The following GRIP2 variants were observed in gnomAD, a reference collection of about 807,000 sequenced individuals.
GRIP2 encodes glutamate receptor-interacting protein 2.
A neutral mutation model predicts 108.3 loss-of-function variants in GRIP2; 58 were observed. The ratio of observed to expected loss-of-function variants is 0.54; its 90% CI spans 0.43 to 0.67. The LOEUF (loss-of-function observed/expected upper bound fraction) is 0.67, where lower values mean the gene tolerates loss of function less well. GRIP2 is among the 30% of genes least tolerant of loss of function. The pLI is 0.00. For missense variants in GRIP2, 1,278 were observed against 1,430.6 expected (o/e 0.89, Z 1.72); for synonymous variants, 586 against 598.2 (o/e 0.98, Z 0.30).
rs1449884613 is a variant in GRIP2, at chr3:14,489,917, G to A, written c.*3748C>T. ...TTAATACCCAGTTAGGGGCTCTCTG[G>A]GGTCACAACAGGTCCATGTTTGGGG... On this transcript the variant is annotated 3_prime_UTR_variant, in exon 24 of 24. Transcript: ENST00000621039. The A allele has an allele frequency of 6.6e-6, 1 of 152,150 alleles. No homozygotes were observed. The highest frequency in any genetic ancestry group is 2.4e-5 in the African/African-American group (1 of 41,420). 9.4% of individuals were successfully genotyped at this position (152,150 alleles called of 1,614,324 possible). A position where few individuals can be genotyped will look rare whatever the true frequency, so the allele number is the denominator to read the frequency against.
Position 14,513,620 on chromosome 3 carries a change from G to T in GRIP2, c.1639+45C>A, listed in dbSNP as rs370180102. ...GAGGCAGGATAAAGAGAGGAGGGGT[G>T]CAGGGCCCTGAAATATGAGGAGGAA... On this transcript the variant is annotated intron_variant, in intron 13 of 23. Coordinates refer to ENST00000621039, the MANE Select transcript of GRIP2 (RefSeq NM_001080423.4). 2.7e-5 allele frequency: 43 copies of T among 1,569,144 alleles called. No homozygotes were observed. The African/African-American group carries it at 4.3e-4, about 16-fold the overall frequency.
intron 13 of GRIP2, 41 bp downstream of exon 13, chr3:14,513,624 G>A (rs747209398): frequency 1.4e-5 from 22 of 1,574,724 alleles, no homozygotes; most frequent in Non-Finnish European, 1.8e-5. Flanking sequence ...AGGGGTGCAG[G>A]GCCCTGAAAT....
chr3:14,555,821 A>G, intron 1 of GRIP2: 1 of 399,408 alleles, frequency 2.5e-6, no homozygotes, highest in Non-Finnish European at 4.4e-6. Context: ...GGGGAGGGAG[A>G]GCAGGGGTGA....
chr3:14,512,815 G>A lies in GRIP2; in HGVS notation c.1682C>T (p.Pro561Leu), dbSNP rs376323806. ...GCCCAGCTCCACGCTGCGCTTCTTG[G>A]GCAGCTTCACGTGGAAGGTGCCACT... ...PSSGTFHVKL[P>L]KKRSVELGIT... The change falls in exon 14 of 24, where the codon CCC becomes CTC. Residue 561 changes from proline to leucine, a missense_variant. By Grantham distance (98) the Pro-to-Leu change is moderately conservative (BLOSUM62 -3). Transcript: ENST00000621039. This position sits in a 1 kb window ranked among gnomAD's most constrained non-coding sequence, Gnocchi z 5.1. 6.8e-6 allele frequency: 11 copies of A among 1,613,688 alleles called. No individual in the cohort carries two copies. In the African/African-American group the frequency reaches 1.2e-4, roughly 18 times the overall value.
chr3:14,581,688 T>C, the GRIP2 span, among the ~76,000 whole-genome samples: 2 of 152,174 alleles, frequency 1.3e-5, no homozygotes, highest in Admixed American at 6.5e-5. Context: ...GAGAAGTGAA[T>C]GATGGGAAGA....
chr3:14,588,359 C>A, the GRIP2 span, among the ~76,000 whole-genome samples: 1 of 152,124 alleles, frequency 6.6e-6, no homozygotes, highest in African/African-American at 2.4e-5. Flanking sequence ...GGACCCTGGG[C>A]CACCCTCTCT....
the GRIP2 span, among the ~76,000 whole-genome samples, chr3:14,569,282 A>G: frequency 6.6e-6 from 1 of 152,226 alleles, no homozygotes; most frequent in South Asian, 2.1e-4. Flanking sequence ...TGGTTGCAGA[A>G]GGCTGGATTC....
At chr3:14,540,434 T>C, upstream of GRIP2, 1 of 1,593,020 alleles carries the variant, frequency 6.3e-7, no homozygotes, top group Non-Finnish European at 8.5e-7. This position sits in a 1 kb window ranked among gnomAD's most constrained non-coding sequence, Gnocchi z 4.1. Context: ...GGGCACCGAG[T>C]CCACCCACTG....
At chr3:14,574,611 A>G in the GRIP2 span, 3 of 685,866 alleles carry the variant, frequency 4.4e-6, no homozygotes, top group Non-Finnish European at 8.1e-6. Context: ...TTCATGGAGG[A>G]TACCTTCCTG....
At chr3:14,592,749 A>G in the GRIP2 span, among the ~76,000 whole-genome samples, 5 of 152,038 alleles carry the variant, frequency 3.3e-5, no homozygotes, top group African/African-American at 4.8e-5. Context: ...CCATTTCCCC[A>G]TCTGCAGTCT....
chr3:14,560,436 T>C (rs1277045585), upstream of GRIP2, among the ~76,000 whole-genome samples: 1 of 152,174 alleles, frequency 6.6e-6, no homozygotes. Context: ...GGGAGGAGCT[T>C]TGTCTTTCAG....
At chr3:14,580,811 T>C in the GRIP2 span, among the ~76,000 whole-genome samples, 2 of 152,304 alleles carry the variant, frequency 1.3e-5, no homozygotes, top group Middle Eastern at 3.4e-3. Context: ...ATTTTTTAGA[T>C]GTGATTACAT....
At chr3:14,519,703 T>C (rs1023465002) in intron 9 of GRIP2, among the ~76,000 whole-genome samples, 2 of 151,974 alleles carry the variant, frequency 1.3e-5, no homozygotes, top group African/African-American at 4.8e-5. Context: ...AGACCCTGAC[T>C]CTTCAAAGGA....
the GRIP2 span, among the ~76,000 whole-genome samples, chr3:14,568,379 T>C: frequency 5.2e-4 from 79 of 152,318 alleles, no homozygotes; most frequent in African/African-American, 1.6e-3. Flanking sequence ...TGACTCATTA[T>C]AGACACACAC....
In GRIP2 at chr3:14,512,729, G is replaced by A. The variant is rs1434472505; in HGVS notation, c.1720+48C>T. 1.3e-6 allele frequency: 2 copies of A among 1,553,036 alleles called. No individual in the cohort carries two copies. Among genetic ancestry groups the A allele is most frequent in the East Asian group, 2.3e-5 (1 of 44,410 alleles). ...GAGCTTGGCAAGCTCTTTTTCCCCA[G>A]CAGTTGAGCTCGCTCCCAGGGGCAA... On this transcript the variant is annotated intron_variant, in intron 14 of 23. Coordinates refer to ENST00000621039, the MANE Select transcript of GRIP2 (RefSeq NM_001080423.4). The surrounding 1 kb of genome is among the most constrained non-coding windows in gnomAD (Gnocchi z 5.1).
intron 1 of GRIP2, among the ~76,000 whole-genome samples, chr3:14,534,542 G>A (rs1283801249): frequency 6.7e-6 from 1 of 149,558 alleles, no homozygotes; most frequent in African/African-American, 2.5e-5. Flanking sequence ...TTTTTTCCCT[G>A]TCTCCTCCTT....
rs555488161 is a variant in GRIP2 at position 14,496,540 on chromosome 3, G to C, written c.2700C>G (p.Thr900=). The part of the protein sequence containing the change: ...RELEASIMTG[T]VQRVALEGRP... ...TGCCCTCGAGGGCCACCCTCTGCACGGTGCCCGTCATGATGGATGCCTGCA... is the reference window on the plus strand; with the variant it reads ...TGCCCTCGAGGGCCACCCTCTGCACCGTGCCCGTCATGATGGATGCCTGCA... The change falls in exon 22 of 24, where the codon ACC becomes ACG. Residue 900 remains threonine (T), a synonymous_variant. Transcript: ENST00000621039. 2 of 1,606,478 alleles carry C rather than the reference G, an allele frequency of 1.2e-6. No homozygotes were observed. The highest frequency in any genetic ancestry group is 1.7e-6 in the Non-Finnish European group (2 of 1,176,776).
chr3:14,537,134 C>T (rs975467451), intron 1 of GRIP2, among the ~76,000 whole-genome samples: 7 of 152,206 alleles, frequency 4.6e-5, no homozygotes, highest in Non-Finnish European at 7.3e-5. Flanking sequence ...GGAGGTGAAG[C>T]CTTCCTGGAC....
the GRIP2 span, among the ~76,000 whole-genome samples, chr3:14,581,539 A>C: frequency 1.3e-5 from 2 of 152,262 alleles, no homozygotes; most frequent in Non-Finnish European, 2.9e-5. Context: ...AGGGACAAGC[A>C]CGTGACCCCA....
Sources: allele counts gnomAD v4.1 joint callset (sites outside exome capture counted in the v4.1 genomes callset), GRCh38; gene constraint gnomAD v4.1.1; non-coding constraint Gnocchi (gnomAD v3.1); transcripts MANE v1.5; gene names NCBI Gene and HGNC (gene_info 2026-07-23, HGNC 2026-07-21).